The following PDE10A variants were observed in gnomAD, a reference collection of about 807,000 sequenced individuals.
PDE10A encodes the protein phosphodiesterase 10A, also known as cAMP and cAMP-inhibited cGMP 3',5'-cyclic phosphodiesterase 10A.
PDE10A carries 39 observed loss-of-function variants against 97.7 expected under a neutral mutation model. The ratio of observed to expected loss-of-function variants is 0.40; its 90% confidence interval spans 0.31 to 0.52. The LOEUF is 0.52. Ranked by LOEUF, PDE10A falls within the 20% of genes least tolerant of loss-of-function variation. The pLI is 0.56. For synonymous variants in PDE10A, 371 were observed against 376.8 expected, an observed-to-expected ratio of 0.98 and a Z score of 0.18; for missense variants, 731 against 1,047.8, an observed-to-expected ratio of 0.70 and a Z score of 4.17.
At chr6:165,683,509 G>C (rs1465542793) in intron 1 of PDE10A, among the ~76,000 whole-genome samples, 2 of 152,240 alleles carry the variant, frequency 1.3e-5, no homozygotes, top group African/African-American at 2.4e-5. Flanking sequence ...GGGTGTGGGA[G>C]AGATGGGTTC....
At chr6:165,497,633 T>A (rs1381167814) in intron 2 of PDE10A, among the ~76,000 whole-genome samples, 1 of 152,148 alleles carries the variant, frequency 6.6e-6, no homozygotes, top group Admixed American at 6.5e-5. Context: ...TAGAACTTAG[T>A]CATCTCTGAA....
intron 17 of PDE10A, among the ~76,000 whole-genome samples, chr6:165,381,382 G>A (rs990944166): frequency 6.6e-6 from 1 of 152,068 alleles, no homozygotes; most frequent in Non-Finnish European, 1.5e-5. Flanking sequence ...GCTCCATAGA[G>A]GGCTTTTATA....
chr6:165,456,014 C>T lies in PDE10A; in HGVS notation c.1024-5652G>A, dbSNP rs1311228502. Among the ~76,000 whole-genome samples the T allele has an allele frequency of 2.6e-5, 4 of 152,106 alleles. No individual in the cohort carries two copies. In the East Asian group the frequency reaches 5.8e-4, roughly 22 times the overall value. On this transcript the variant is annotated intron_variant, in intron 3 of 21. Coordinates refer to ENST00000539869, the MANE Select transcript of PDE10A (RefSeq NM_001385079.1). ...ATATGACAGCATTGTTTGAGGTCACCAAAACTTAGGTTATTTTCTTTATCA... is the reference window on the plus strand; with the variant it reads ...ATATGACAGCATTGTTTGAGGTCACTAAAACTTAGGTTATTTTCTTTATCA...
intron 1 of PDE10A, among the ~76,000 whole-genome samples, chr6:165,723,235 T>C (rs1476205985): frequency 6.6e-6 from 1 of 152,194 alleles, no homozygotes; most frequent in Non-Finnish European, 1.5e-5. Context: ...GGCAAAGCCA[T>C]GGAAATCTCA....
chr6:165,694,890 T>C (rs1304722320), intron 1 of PDE10A, among the ~76,000 whole-genome samples: 1 of 152,158 alleles, frequency 6.6e-6, no homozygotes, highest in Non-Finnish European at 1.5e-5. Flanking sequence ...AACAGGATAG[T>C]AACAAGTTTT....
intron 1 of PDE10A, among the ~76,000 whole-genome samples, chr6:165,593,795 G>A (rs1786423697): frequency 6.6e-6 from 1 of 152,104 alleles, no homozygotes; most frequent in South Asian, 2.1e-4. Flanking sequence ...GTCATTCTGA[G>A]TACGTTAAGG....
chr6:165,575,889 A>G (rs899123702), intron 1 of PDE10A, among the ~76,000 whole-genome samples: 2 of 151,230 alleles, frequency 1.3e-5, no homozygotes, highest in Non-Finnish European at 2.9e-5. Context: ...TGGAGACTGG[A>G]TATCATTCTT....
At chr6:165,356,002 C>T (rs761259802) in intron 18 of PDE10A, among the ~76,000 whole-genome samples, 3 of 151,922 alleles carry the variant, frequency 2.0e-5, no homozygotes, top group Non-Finnish European at 4.4e-5. Context: ...ACAATCATGG[C>T]GAAGGTGAAA....
chr6:165,856,686 C>T (rs1431495146), intron 1 of PDE10A, among the ~76,000 whole-genome samples: 1 of 152,164 alleles, frequency 6.6e-6, no homozygotes, highest in Non-Finnish European at 1.5e-5. Context: ...GGTTCGTGTT[C>T]CCCCTCATTG....
At chr6:165,735,525 A>G (rs180702957) in intron 1 of PDE10A, among the ~76,000 whole-genome samples, 71 of 152,208 alleles carry the variant, frequency 4.7e-4, no homozygotes, top group African/African-American at 1.6e-3. Flanking sequence ...GGCTCATCTG[A>G]TTATGGAGGG....
At chr6:165,804,619 T>C (rs1467911968) in intron 1 of PDE10A, among the ~76,000 whole-genome samples, 3 of 152,044 alleles carry the variant, frequency 2.0e-5, no homozygotes, top group Admixed American at 6.5e-5. Flanking sequence ...TTTGGAAACC[T>C]GGGGCCCTGG....
intron 1 of PDE10A, among the ~76,000 whole-genome samples, chr6:165,817,787 C>T (rs1779459543): frequency 6.6e-6 from 1 of 152,168 alleles, no homozygotes; most frequent in East Asian, 1.9e-4. Flanking sequence ...CTCCAGTTTC[C>T]TGACCTGTAA....
intron 1 of PDE10A, among the ~76,000 whole-genome samples, chr6:165,836,230 G>A (rs1041234904): frequency 7.9e-5 from 12 of 152,148 alleles, no homozygotes; most frequent in East Asian, 7.7e-4. Flanking sequence ...GACCTCTTCC[G>A]ACCATGTCAC....
At chr6:165,622,868 G>T (rs1413476390) in intron 1 of PDE10A, among the ~76,000 whole-genome samples, 1 of 152,174 alleles carries the variant, frequency 6.6e-6, no homozygotes, top group Non-Finnish European at 1.5e-5. Context: ...GGAGGTGTTT[G>T]GACCATGGGA....
At position 165,623,120 on chromosome 6, in the gene PDE10A, T is replaced by C. The variant is rs181129037; in HGVS notation, c.865+38827A>G. On this transcript the variant is annotated intron_variant, in intron 1 of 21. Coordinates refer to ENST00000539869, the MANE Select transcript of PDE10A (RefSeq NM_001385079.1). ...CCATGAGCCAATTAAACCTCTTTTA[T>C]TTATAAATCACCCAGTCTCAGGTGT... Among the ~76,000 whole-genome samples, 5 of 152,318 alleles carry C rather than the reference T, an allele frequency of 3.3e-5. No individual in the cohort carries two copies. In the East Asian group the frequency reaches 9.7e-4, roughly 29 times the overall value.
chr6:165,803,343 A>G (rs1779030960), intron 1 of PDE10A, among the ~76,000 whole-genome samples: 1 of 152,178 alleles, frequency 6.6e-6, no homozygotes, highest in Admixed American at 6.5e-5. Flanking sequence ...CCTTAAATGT[A>G]TATTTCTGGC....
At chr6:165,337,937 T>C (rs959232864) in intron 20 of PDE10A, among the ~76,000 whole-genome samples, 1 of 151,866 alleles carries the variant, frequency 6.6e-6, no homozygotes, top group Non-Finnish European at 1.5e-5. Context: ...CTAAAGAAAA[T>C]ATAGGCAAAT....
intron 1 of PDE10A, among the ~76,000 whole-genome samples, chr6:165,796,091 CTTTT>C (rs1168771487): frequency 4.6e-5 from 5 of 108,810 alleles, no homozygotes; most frequent in South Asian, 3.3e-4. Context: ...TTTTTCTTTT[CTTTT>C]TTTTTTTTTT....
At chr6:165,691,103 CTCTCCCCCCCCCCATCAGTGCCTGTGGT>C (rs1791266449) in intron 1 of PDE10A, among the ~76,000 whole-genome samples, 1 of 41,696 alleles carries the variant, frequency 2.4e-5, no homozygotes, top group Non-Finnish European at 5.9e-5. Flanking sequence ...CTCTCTTTCT[CTCTCCCCCCCCCCATCAGTGCCTGTGGT>C]CACATAAGCC....
Sources: allele counts gnomAD v4.1 joint callset (sites outside exome capture counted in the v4.1 genomes callset), GRCh38; gene constraint gnomAD v4.1.1; transcripts MANE v1.5; gene names NCBI Gene and HGNC (gene_info 2026-07-23, HGNC 2026-07-21).